The following DNAAF1 variants were observed in gnomAD, a reference collection of about 807,000 sequenced individuals.
The protein encoded by DNAAF1 is dynein axonemal assembly factor 1.
Under a neutral mutation model 71.1 loss-of-function variants are expected in DNAAF1, and 65 were observed. The observed-to-expected ratio is 0.91, with a 90% CI of 0.75 to 1.12. The LOEUF is 1.12. DNAAF1 is among the 50% of genes most tolerant of loss of function. DNAAF1 has a pLI of 0.00. For synonymous variants in DNAAF1, 414 were observed against 354.6 expected (o/e 1.17, Z -1.88); for missense variants, 1,178 against 899.8 (o/e 1.31, Z -3.96).
intron 6 of DNAAF1, among the ~76,000 whole-genome samples, chr16:84,160,314 G>A (rs573808571): frequency 1.3e-5 from 2 of 152,124 alleles, no homozygotes; most frequent in African/African-American, 4.8e-5. Flanking sequence ...TGAATATTCT[G>A]TCAGTGACTT....
rs1212454639 is a variant in DNAAF1 at position 84,172,291 on chromosome 16, T to G, written c.1560T>G (p.Gly520=). The G allele has an allele frequency of 2.5e-6, 4 of 1,614,030 alleles. No individual in the cohort carries two copies. The highest frequency in any genetic ancestry group is 3.4e-6 in the Non-Finnish European group (4 of 1,180,036). The change falls in exon 9 of 12, where the codon GGT becomes GGG. Residue 520 remains glycine, a synonymous_variant. Transcript: ENST00000378553. ...EPTPQAVATE[G]VFVTELDGTR... The stretch of plus-strand genomic sequence containing the variant: ...CTCCCCAGGCTGTGGCCACTGAGGG[T>G]GTATTCGTTACAGAACTTGATGGAA...
rs565602933 is a variant in DNAAF1 at position 84,158,402 on chromosome 16, A to G, written c.742-1273A>G. 7.2e-5 allele frequency among the ~76,000 whole-genome samples: 11 copies of G among 152,012 alleles called. No individual in the cohort carries two copies. In the East Asian group the frequency reaches 2.1e-3, roughly 29 times the overall value. On this transcript the variant is annotated intron_variant, in intron 5 of 11. Coordinates refer to ENST00000378553, the MANE Select transcript of DNAAF1 (RefSeq NM_178452.6). ...TCTCTGTGTCCTACTTTTTTCTTCTAAGGACACCAGTCAGATTGGATTACG... is the reference window on the plus strand; with the variant it reads ...TCTCTGTGTCCTACTTTTTTCTTCTGAGGACACCAGTCAGATTGGATTACG...
intron 9 of DNAAF1, chr16:84,173,083 T>TATA: frequency 3.0e-6 from 3 of 986,686 alleles, no homozygotes; most frequent in Non-Finnish European, 3.6e-6. Context: ...CTTGGAGAGG[T>TATA]GGTCCCCTGC....
At chr16:84,166,090 G>A (rs2087972252) in intron 7 of DNAAF1, 141 bp downstream of exon 7, 2 of 1,220,106 alleles carry the variant, frequency 1.6e-6, no homozygotes, top group Non-Finnish European at 2.3e-6. Context: ...CTGTCACTGA[G>A]GTTGCAAAGT....
chr16:84,175,408 A>G (rs189609992), intron 10 of DNAAF1: 8 of 184,932 alleles, frequency 4.3e-5, no homozygotes, highest in African/African-American at 1.2e-4. Context: ...GTGAGGCACA[A>G]TGGGGAATTC....
intron 4 of DNAAF1, among the ~76,000 whole-genome samples, chr16:84,155,034 A>G (rs1345920007): frequency 2.6e-5 from 4 of 151,592 alleles, no homozygotes; most frequent in Non-Finnish European, 5.9e-5. Context: ...TTAGCCTCCA[A>G]AATAGCTGGG....
At chr16:84,168,267 G>A (rs1374054454) in intron 7 of DNAAF1, among the ~76,000 whole-genome samples, 1 of 152,054 alleles carries the variant, frequency 6.6e-6, no homozygotes. Flanking sequence ...TGACTCTGAC[G>A]CTCCTGCCTC....
intron 2 of DNAAF1, among the ~76,000 whole-genome samples, chr16:84,149,690 C>CA (rs11335691): frequency 0.078 from 7,346 of 94,236 alleles, 282 homozygotes; most frequent in South Asian, 0.2. Flanking sequence ...GACTCCATCT[C>CA]AAAAAAAAAA....
rs2087326589 is a variant in DNAAF1 at position 84,154,628 on chromosome 16, G to C, written c.404G>C (p.Trp135Ser). The change falls in exon 4 of 12, where the codon TGG (tryptophan) becomes TCG (serine). Residue 135 changes from tryptophan (W) to serine (S), a missense_variant. Coordinates refer to ENST00000378553, the MANE Select transcript of DNAAF1 (RefSeq NM_178452.6). ...GAGTACACAGGGCTGCGCTGTCTCT[G>C]GCTGCAGAGCAATGGAATACAGAAA... ...LEEYTGLRCL[W>S]LQSNGIQKIE... 2 of 1,614,042 alleles carry C rather than the reference G, an allele frequency of 1.2e-6. No homozygotes were observed. The highest frequency in any genetic ancestry group is 2.7e-5 in the African/African-American group (2 of 74,910).
intron 4 of DNAAF1, among the ~76,000 whole-genome samples, 164 bp downstream of exon 4, chr16:84,154,962 G>A (rs565965914): frequency 7.0e-4 from 106 of 151,572 alleles, no homozygotes; most frequent in African/African-American, 2.4e-3. Flanking sequence ...AGGCTGGAGT[G>A]CAGTGGCGCG....
At chr16:84,177,675 G>A in intron 11 of DNAAF1, 54 bp from the exon 12 acceptor site, 3 of 1,509,010 alleles carry the variant, frequency 2.0e-6, no homozygotes, top group Non-Finnish European at 1.8e-6. Context: ...CTGCCCCCCT[G>A]TCCTTGCAGT....
At chr16:84,177,388 G>C (rs528485110) in intron 11 of DNAAF1, 1 of 360,348 alleles carries the variant, frequency 2.8e-6, no homozygotes, top group East Asian at 7.1e-5. Flanking sequence ...CAATTCTCCT[G>C]CCTCCGCCTC....
At chr16:84,172,557 T>C in intron 9 of DNAAF1, 182 bp downstream of exon 9, 1 of 1,432,636 alleles carries the variant, frequency 7.0e-7, no homozygotes. Flanking sequence ...GCCCACTGAT[T>C]AGAATCCAAC....
At chr16:84,175,594 G>T in intron 10 of DNAAF1, 1 of 341,278 alleles carries the variant, frequency 2.9e-6, no homozygotes, top group Non-Finnish European at 5.5e-6. Flanking sequence ...TGTCCAAGGA[G>T]CTAAGTCCCA....
chr16:84,151,294 G>A (rs1041315350), intron 3 of DNAAF1, among the ~76,000 whole-genome samples: 1 of 152,166 alleles, frequency 6.6e-6, no homozygotes, highest in Non-Finnish European at 1.5e-5. Flanking sequence ...GGTGTCCTGG[G>A]GGATGGGAGC....
intron 3 of DNAAF1, among the ~76,000 whole-genome samples, chr16:84,152,610 C>T (rs896438931): frequency 2.5e-4 from 36 of 144,596 alleles, no homozygotes; most frequent in African/African-American, 8.6e-4. Flanking sequence ...ATTGTGCTAC[C>T]GCGCTCCAGC....
In DNAAF1 at chr16:84,170,029, G is replaced by A. The variant is rs1230861911; in HGVS notation, c.1201G>A (p.Val401Met). ...AAAGCCAAGTGGAGAGGAGCCGCCT[G>A]TGGAGGCTAAAAGAGAGGATGGAGG... ...PEKPSGEEPP[V>M]EAKREDGGPE... The change falls in exon 8 of 12, where the codon GTG (valine) becomes ATG (methionine). Residue 401 changes from valine (V) to methionine (M), a missense_variant. Physicochemically the swap from Val to Met is conservative, Grantham distance 21. Coordinates refer to ENST00000378553, the MANE Select transcript of DNAAF1 (RefSeq NM_178452.6). 1 of 1,613,908 alleles carries A rather than the reference G, an allele frequency of 6.2e-7. No individual in the cohort carries two copies. Among genetic ancestry groups the A allele is most frequent in the African/African-American group, 1.3e-5 (1 of 75,058 alleles).
rs139714259 is a variant in DNAAF1 at position 84,176,225 on chromosome 16, C to G, written c.1991C>G (p.Thr664Ser). ...TCTGGCCAGCTACTGATGCCCCCCA[C>G]CTGCCAAAGAGATGCTGCACCACTC... The part of the protein sequence containing the change: ...DPSGQLLMPP[T>S]CQRDAAPLTS... Residue 664 changes from threonine (T) to serine (S), a missense_variant, in exon 11 of 12, where the codon ACC becomes AGC. By Grantham distance (58) the Thr-to-Ser change is moderately conservative. Transcript: ENST00000378553. The G allele has an allele frequency of 2.7e-5, 44 of 1,613,662 alleles. No individual in the cohort carries two copies. Among genetic ancestry groups the G allele is most frequent in the Middle Eastern group, 1.6e-4 (1 of 6,084 alleles).
intron 8 of DNAAF1, among the ~76,000 whole-genome samples, chr16:84,171,787 C>G (rs1022150397): frequency 6.6e-6 from 1 of 152,200 alleles, no homozygotes; most frequent in Middle Eastern, 3.4e-3. Flanking sequence ...AAAGGGCAGC[C>G]GTTCCGTTCT....
Sources: gnomAD v4.1 joint callset for allele counts (sites outside exome capture counted in the v4.1 genomes callset) on GRCh38, gnomAD v4.1.1 for gene constraint, MANE v1.5 for transcripts, NCBI Gene and HGNC (gene_info 2026-07-23, HGNC 2026-07-21) for gene names.